The following CEP85L variants were observed in gnomAD, a reference collection of about 807,000 sequenced individuals.
CEP85L encodes centrosomal protein 85L.
A neutral mutation model predicts 100.3 loss-of-function variants in CEP85L; 60 were observed. That is an observed-to-expected ratio of 0.60 (90% confidence interval 0.49 to 0.74). CEP85L has a LOEUF of 0.74. CEP85L is among the 30% of genes least tolerant of loss of function. The pLI is 0.00. For missense variants in CEP85L, 973 were observed against 936.2 expected, an observed-to-expected ratio of 1.04 and a Z score of -0.51; for synonymous variants, 319 against 322.7, an observed-to-expected ratio of 0.99 and a Z score of 0.12.
intron 10 of CEP85L, among the ~76,000 whole-genome samples, chr6:118,474,705 T>C (rs1773219216): frequency 1.3e-5 from 2 of 152,144 alleles, no homozygotes; most frequent in South Asian, 4.2e-4. Context: ...GCTTAAGAGA[T>C]TTTGCCTGAG....
intron 1 of CEP85L, among the ~76,000 whole-genome samples, chr6:118,701,813 C>G (rs1172360779): frequency 6.6e-6 from 1 of 152,062 alleles, no homozygotes; most frequent in African/African-American, 2.4e-5. Context: ...GTTCCTGAAC[C>G]AGTCACCAGC....
intron 1 of CEP85L, among the ~76,000 whole-genome samples, chr6:118,702,763 G>A (rs1324781230): frequency 3.3e-5 from 5 of 152,188 alleles, no homozygotes; most frequent in Non-Finnish European, 5.9e-5. Flanking sequence ...TTGGGAGTCT[G>A]AGGCAGGCGG....
At chr6:118,683,595 G>A (rs929041674) in intron 1 of CEP85L, among the ~76,000 whole-genome samples, 3 of 152,146 alleles carry the variant, frequency 2.0e-5, no homozygotes, top group African/African-American at 2.4e-5. Context: ...AGACCATAAT[G>A]TTCTTGTCAA....
intron 2 of CEP85L, among the ~76,000 whole-genome samples, chr6:118,631,830 G>C (rs1165814596): frequency 6.6e-6 from 1 of 152,112 alleles, no homozygotes; most frequent in Admixed American, 6.5e-5. Context: ...AGTGGGTGTG[G>C]GAAACATGAG....
At chr6:118,569,986 T>C (rs2115020612) in intron 2 of CEP85L, among the ~76,000 whole-genome samples, 1 of 152,284 alleles carries the variant, frequency 6.6e-6, no homozygotes, top group African/African-American at 2.4e-5. Flanking sequence ...GTTATAGTCT[T>C]TGAAAGAAGG....
At chr6:118,486,141 T>C (rs967967034) in intron 6 of CEP85L, among the ~76,000 whole-genome samples, 18 of 152,222 alleles carry the variant, frequency 1.2e-4, no homozygotes, top group African/African-American at 3.4e-4. Flanking sequence ...CTTGGGTTTT[T>C]TTCAGCCTGC....
At chr6:118,531,983 T>C (rs1241450926) in intron 3 of CEP85L, among the ~76,000 whole-genome samples, 2 of 152,156 alleles carry the variant, frequency 1.3e-5, no homozygotes, top group African/African-American at 2.4e-5. Flanking sequence ...CCATTTGACA[T>C]GGCAATCCCA....
chr6:118,649,639 C>T (rs1455109999), intron 1 of CEP85L, among the ~76,000 whole-genome samples: 1 of 152,098 alleles, frequency 6.6e-6, no homozygotes. Context: ...AGTAGCTTCT[C>T]AATCACTGAA....
In CEP85L at chr6:118,470,655, T is replaced by A. The variant is rs191780027; in HGVS notation, c.1915-11A>T. On this transcript the variant is annotated splice_polypyrimidine_tract_variant and intron_variant, in intron 10 of 12. Transcript: ENST00000368491. ...CTTTCCTTGCATAGACTAGAATTTT[T>A]AAAAAAATTGGAAAGCAAAACAGGT... The A allele has an allele frequency of 8.1e-4, 1,243 of 1,535,194 alleles. 11 individuals carry two copies. In the African/African-American group the frequency reaches 0.015, roughly 19 times the overall value.
At chr6:118,598,889 G>A (rs1285238901) in intron 2 of CEP85L, among the ~76,000 whole-genome samples, 1 of 152,102 alleles carries the variant, frequency 6.6e-6, no homozygotes, top group African/African-American at 2.4e-5. Flanking sequence ...GATGGTGGGA[G>A]GCTTCTAACT....
intron 5 of CEP85L, among the ~76,000 whole-genome samples, chr6:118,494,980 G>T (rs1288836399): frequency 6.6e-6 from 1 of 151,716 alleles, no homozygotes; most frequent in Admixed American, 6.6e-5. Context: ...TTCTAGAAAA[G>T]AATAAAAAAG....
intron 5 of CEP85L, among the ~76,000 whole-genome samples, chr6:118,505,859 G>A (rs1775623839): frequency 6.6e-6 from 1 of 152,140 alleles, no homozygotes; most frequent in South Asian, 2.1e-4. Context: ...ACAACACCAG[G>A]AGTGATCCTA....
chr6:118,554,366 C>T (rs1183187535), intron 3 of CEP85L, among the ~76,000 whole-genome samples: 8 of 152,208 alleles, frequency 5.3e-5, no homozygotes, highest in South Asian at 4.1e-4. Context: ...AAGCTGGTCT[C>T]GAACTCCTGG....
intron 2 of CEP85L, among the ~76,000 whole-genome samples, chr6:118,602,613 C>T (rs1781841781): frequency 6.6e-6 from 1 of 150,588 alleles, no homozygotes. Context: ...TAGAATTTAA[C>T]AACAAGTGTA....
chr6:118,470,996 T>A (rs1313983081), intron 10 of CEP85L, among the ~76,000 whole-genome samples: 1 of 152,072 alleles, frequency 6.6e-6, no homozygotes, highest in Non-Finnish European at 1.5e-5. Context: ...ATGTAGAGAG[T>A]GTATTAGCAA....
chr6:118,558,594 A>C (rs909121039), intron 3 of CEP85L, among the ~76,000 whole-genome samples: 1 of 143,934 alleles, frequency 6.9e-6, no homozygotes, highest in African/African-American at 2.5e-5. Flanking sequence ...AAAGGAGAGA[A>C]AGAGAGACAG....
At chr6:118,479,301 A>G (rs966180275) in intron 10 of CEP85L, among the ~76,000 whole-genome samples, 1 of 152,110 alleles carries the variant, frequency 6.6e-6, no homozygotes, top group Non-Finnish European at 1.5e-5. Flanking sequence ...GTATAAAGCT[A>G]AACATTTTTC....
At chr6:118,651,914 C>A, upstream of CEP85L, 1 of 985,582 alleles carries the variant, frequency 1.0e-6, no homozygotes, top group Non-Finnish European at 1.2e-6. Flanking sequence ...TGTGAAGACA[C>A]GTGGAAGACC....
rs1773690436 is a variant in CEP85L, at chr6:118,480,395, C to T, written c.1863+1G>A. 1 of 1,560,798 alleles carries T rather than the reference C, an allele frequency of 6.4e-7. No individual in the cohort carries two copies. The highest frequency in any genetic ancestry group is 8.8e-7 in the Non-Finnish European group (1 of 1,132,890). On this transcript the variant is annotated splice_donor_variant, in intron 9 of 12. Transcript: ENST00000368491. LOFTEE classifies it high-confidence loss of function. ...GTTTATGATCTAAGGTATCTACTGA[C>T]CTTACTAGCAGTCTCATTTTGTTGT...
Sources: allele counts gnomAD v4.1 joint callset (sites outside exome capture counted in the v4.1 genomes callset), GRCh38; gene constraint gnomAD v4.1.1; transcripts MANE v1.5; gene names NCBI Gene and HGNC (gene_info 2026-07-23, HGNC 2026-07-21).